Variants in SLC38A12 observed in about 807,000 individuals in gnomAD.
The protein encoded by SLC38A12 is solute carrier family 38 member 12.
chr17:74,839,038 C>A, the SLC38A12 span: 1 of 1,535,716 alleles, frequency 6.5e-7, no homozygotes. Context: ...CCGGTGCAGG[C>A]CAGGTCAAGG....
chr17:74,839,248 C>T, the SLC38A12 span: 3 of 1,358,770 alleles, frequency 2.2e-6, no homozygotes, highest in Non-Finnish European at 2.0e-6. Flanking sequence ...CCATGACGGG[C>T]CCCTAGCCAC....
At chr17:74,838,973 C>G in the SLC38A12 span, 5 of 1,535,732 alleles carry the variant, frequency 3.3e-6, no homozygotes, top group Non-Finnish European at 4.4e-6. Flanking sequence ...TGGAGGAAAG[C>G]TTAAACTCAA....
At chr17:74,792,345 A>G in the SLC38A12 span, among the ~76,000 whole-genome samples, 1 of 151,724 alleles carries the variant, frequency 6.6e-6, no homozygotes, top group Non-Finnish European at 1.5e-5. Context: ...CAGCTACTCC[A>G]GAGGCTGAAG....
At chr17:74,811,746 T>C in the SLC38A12 span, among the ~76,000 whole-genome samples, 2 of 143,256 alleles carry the variant, frequency 1.4e-5, no homozygotes, top group East Asian at 2.1e-4. Context: ...AAGAATAGTA[T>C]TGGGGCTAGG....
At chr17:74,809,127 T>C in the SLC38A12 span, among the ~76,000 whole-genome samples, 1 of 152,236 alleles carries the variant, frequency 6.6e-6, no homozygotes, top group South Asian at 2.1e-4. Flanking sequence ...AACTAAGAAA[T>C]TGAGCATGTC....
chr17:74,831,063 A>G, the SLC38A12 span, among the ~76,000 whole-genome samples: 6 of 152,196 alleles, frequency 3.9e-5, no homozygotes, highest in Non-Finnish European at 8.8e-5. Context: ...CCACAGACCT[A>G]TAGGGTCGGA....
the SLC38A12 span, chr17:74,795,666 G>T: frequency 6.4e-7 from 1 of 1,552,910 alleles, no homozygotes; most frequent in South Asian, 1.1e-5. Context: ...GCCTGCCCCA[G>T]CCCAGCCTGC....
chr17:74,787,843 G>A, the SLC38A12 span, among the ~76,000 whole-genome samples: 1 of 151,024 alleles, frequency 6.6e-6, no homozygotes, highest in Non-Finnish European at 1.5e-5. Context: ...ACCCAGGCTG[G>A]AGTGCAGTGG....
chr17:74,836,009 G>C, the SLC38A12 span: 2 of 1,611,818 alleles, frequency 1.2e-6, no homozygotes, highest in Non-Finnish European at 8.5e-7. The surrounding 1 kb of genome is among the most constrained non-coding windows in gnomAD (Gnocchi z 4.2). Flanking sequence ...CTGACTTCTC[G>C]GGGGTCCGGA....
the SLC38A12 span, among the ~76,000 whole-genome samples, chr17:74,830,540 T>C: frequency 6.6e-6 from 1 of 152,232 alleles, no homozygotes; most frequent in Admixed American, 6.5e-5. Flanking sequence ...TCGGATGTTA[T>C]AAGAACATAT....
At chr17:74,802,425 C>T in the SLC38A12 span, among the ~76,000 whole-genome samples, 1 of 152,162 alleles carries the variant, frequency 6.6e-6, no homozygotes, top group South Asian at 2.1e-4. Flanking sequence ...ACTCCCTTAC[C>T]CAGCTCGGAA....
At chr17:74,800,159 G>A in the SLC38A12 span, among the ~76,000 whole-genome samples, 3 of 152,226 alleles carry the variant, frequency 2.0e-5, no homozygotes, top group African/African-American at 4.8e-5. Flanking sequence ...CCAAGACTCA[G>A]TTCCATAGGC....
chr17:74,836,758 G>T, the SLC38A12 span: 15 of 1,508,624 alleles, frequency 9.9e-6, 1 homozygote, highest in Admixed American at 2.2e-5. The surrounding 1 kb of genome is among the most constrained non-coding windows in gnomAD (Gnocchi z 4.2). Flanking sequence ...GCAGAGCCCA[G>T]ATTTAGTTGC....
chr17:74,795,801 GT>G, the SLC38A12 span, among the ~76,000 whole-genome samples: 1 of 152,196 alleles, frequency 6.6e-6, no homozygotes, highest in Non-Finnish European at 1.5e-5. Flanking sequence ...AATGGATCGT[GT>G]CACTAAGAGT....
At chr17:74,837,218 C>A in the SLC38A12 span, 22 of 985,672 alleles carry the variant, frequency 2.2e-5, no homozygotes, top group Non-Finnish European at 2.7e-5. Context: ...TCCCACCAGG[C>A]CTGGGAGGCG....
At chr17:74,819,844 G>A in the SLC38A12 span, 4 of 1,613,324 alleles carry the variant, frequency 2.5e-6, no homozygotes, top group Non-Finnish European at 3.4e-6. Context: ...AGATGGATCG[G>A]TGAGTCTGAG....
chr17:74,828,511 C>T, the SLC38A12 span, among the ~76,000 whole-genome samples: 2 of 152,132 alleles, frequency 1.3e-5, no homozygotes, highest in African/African-American at 4.8e-5. Context: ...AGGGGATGAG[C>T]GGGCTGGGGG....
At chr17:74,800,374 T>A in the SLC38A12 span, among the ~76,000 whole-genome samples, 33 of 152,374 alleles carry the variant, frequency 2.2e-4, no homozygotes, top group East Asian at 6.4e-3. Context: ...CACTCCTAGA[T>A]AGCAAGGCCA....
the SLC38A12 span, among the ~76,000 whole-genome samples, chr17:74,810,599 G>A: frequency 1.3e-5 from 2 of 152,208 alleles, no homozygotes; most frequent in African/African-American, 4.8e-5. Context: ...TGTCATGCTT[G>A]CGTTGGTGTC....
Sources: gnomAD v4.1 joint callset for allele counts (sites outside exome capture counted in the v4.1 genomes callset) on GRCh38, gnomAD v4.1.1 for gene constraint, Gnocchi (gnomAD v3.1) non-coding constraint, MANE v1.5 for transcripts, NCBI Gene and HGNC (gene_info 2026-07-23, HGNC 2026-07-21) for gene names.